Variants in MACF1 observed in about 807,000 individuals in gnomAD.
The protein encoded by MACF1 is microtubule actin crosslinking factor 1, also known as microtubule-actin cross-linking factor 1.
In MACF1, 193 loss-of-function variants were observed where a neutral mutation model predicts 854.8. That is an observed-to-expected ratio of 0.23 (90% CI 0.20 to 0.25). The LOEUF (loss-of-function observed/expected upper bound fraction) is 0.25. Ranked by LOEUF, MACF1 falls within the 10% of genes least tolerant of loss-of-function variation. The pLI, the probability that MACF1 is intolerant of heterozygous loss-of-function variation, is 1.00. For missense variants in MACF1, 7,722 were observed against 8,929.1 expected (o/e 0.86, Z 5.45); for synonymous variants, 3,185 against 3,226.7 (o/e 0.99, Z 0.44).
At chr1:39,319,826 T>C in intron 31 of MACF1, 79 bp downstream of exon 31, 2 of 1,020,586 alleles carry the variant, frequency 2.0e-6, no homozygotes, top group East Asian at 5.0e-5. Context: ...AGGTTCTGTT[T>C]CTAGACAAAT....
chr1:39,091,341 A>G (rs1195304423), intron 2 of MACF1, among the ~76,000 whole-genome samples: 3 of 152,146 alleles, frequency 2.0e-5, no homozygotes, highest in Non-Finnish European at 4.4e-5. Context: ...TCACTTGCTA[A>G]TTGGGTGACC....
chr1:39,111,726 A>T (rs1056656333), intron 2 of MACF1, among the ~76,000 whole-genome samples: 1 of 152,116 alleles, frequency 6.6e-6, no homozygotes, highest in Non-Finnish European at 1.5e-5. Context: ...AATGTTTTCT[A>T]GGCTAGTCTC....
chr1:39,380,001 CT>C (rs1378719979), intron 54 of MACF1, among the ~76,000 whole-genome samples: 2 of 152,102 alleles, frequency 1.3e-5, no homozygotes, highest in Non-Finnish European at 2.9e-5. Context: ...TTAATAATTC[CT>C]TCTTATTGAG....
chr1:39,452,390 G>A, intron 86 of MACF1, 40 bp downstream of exon 86: 2 of 1,561,418 alleles, frequency 1.3e-6, no homozygotes, highest in South Asian at 2.4e-5. Flanking sequence ...GGATAGATCT[G>A]AGTGGGTTTA....
intron 2 of MACF1, among the ~76,000 whole-genome samples, chr1:39,159,438 A>G (rs1479523676): frequency 2.6e-5 from 4 of 152,178 alleles, no homozygotes; most frequent in African/African-American, 9.7e-5. Flanking sequence ...TCAGAGTCCC[A>G]TTTGGAGAGA....
rs985954739 is a variant in MACF1, at chr1:39,287,486, T to C, written c.1709T>C (p.Val570Ala). The change falls in exon 15 of 101, where the codon GTG becomes GCG. Residue 570 changes from valine (V) to alanine (A), a missense_variant. By Grantham distance (64) the Val-to-Ala change is moderately conservative. Transcript: ENST00000564288. ...FRKPMTRAEL[V>A]AISSSEDEGN... ...AAGCCTATGACTCGGGCTGAACTTG[T>C]GGCCATCAGCTCCTCTGAAGATGAA... The C allele has an allele frequency of 6.2e-7, 1 of 1,614,216 alleles. No homozygotes were observed. Among genetic ancestry groups the C allele is most frequent in the Non-Finnish European group, 8.5e-7 (1 of 1,180,032 alleles).
rs1340718093 is a variant in MACF1 at position 39,333,020 on chromosome 1, G to A, written c.6432G>A (p.Leu2144=). ...IPPAEAEGVP[L]VVDKDVFSVE... ...CTGCTGAGGCGGAAGGTGTGCCGTT[G>A]GTGGTTGACAAAGATGTTTTTTCTG... The change falls in exon 37 of 101, where the codon TTG becomes TTA. Residue 2144 remains leucine (L), a synonymous_variant. Coordinates refer to ENST00000564288, the MANE Select transcript of MACF1 (RefSeq NM_001394062.1). 6 of 1,614,052 alleles carry A rather than the reference G, an allele frequency of 3.7e-6. No individual in the cohort carries two copies. Among genetic ancestry groups the A allele is most frequent in the Non-Finnish European group, 5.1e-6 (6 of 1,180,018 alleles).
chr1:39,315,558 G>C lies in MACF1; in HGVS notation c.3316G>C (p.Val1106Leu). 6.2e-6 allele frequency: 10 copies of C among 1,614,156 alleles called. No individual in the cohort carries two copies. The highest frequency in any genetic ancestry group is 8.5e-6 in the Non-Finnish European group (10 of 1,180,026). The change falls in exon 27 of 101, where the codon GTT becomes CTT. Residue 1106 changes from valine (V) to leucine (L), a missense_variant. By Grantham distance (32) the Val-to-Leu change is conservative. Around this residue, in one of 15 missense-constraint regions of MACF1, gnomAD observed 1,137 missense variants for 1,263.0 expected, o/e 0.90. Coordinates refer to ENST00000564288, the MANE Select transcript of MACF1 (RefSeq NM_001394062.1). ...GCAATTGAGGTCAGACTTGGATGCA[G>C]TTTCTATGAAATGTGACAGCTTTCT... ...LQQLRSDLDA[V>L]SMKCDSFLHQ...
At chr1:39,311,262 G>T (rs988537484) in intron 26 of MACF1, among the ~76,000 whole-genome samples, 1 of 152,164 alleles carries the variant, frequency 6.6e-6, no homozygotes, top group African/African-American at 2.4e-5. Flanking sequence ...GTATATTTGG[G>T]CTATGTATTT....
intron 79 of MACF1, 125 bp downstream of exon 79, chr1:39,443,699 G>A: frequency 9.2e-7 from 1 of 1,086,318 alleles, no homozygotes; most frequent in Non-Finnish European, 1.3e-6. Context: ...CAAACATATA[G>A]TATAACCTTT....
At chr1:39,286,379 T>G (rs530739653) in intron 14 of MACF1, among the ~76,000 whole-genome samples, 1 of 152,142 alleles carries the variant, frequency 6.6e-6, no homozygotes, top group East Asian at 1.9e-4. Context: ...TTTAGAAACA[T>G]TGGTGATCCA....
At chr1:39,422,046 G>A (rs766809809) in intron 58 of MACF1, among the ~76,000 whole-genome samples, 2 of 152,020 alleles carry the variant, frequency 1.3e-5, no homozygotes, top group African/African-American at 4.8e-5. Context: ...CTGCACTCCA[G>A]CCTGGGCGAC....
At position 39,084,211 on chromosome 1, in the gene MACF1, C is replaced by T. The variant is rs1275837485; in HGVS notation, c.-8C>T. 5 of 1,611,892 alleles carry T rather than the reference C, an allele frequency of 3.1e-6. No individual in the cohort carries two copies. The highest frequency in any genetic ancestry group is 2.7e-5 in the African/African-American group (2 of 74,936). Reference sequence around the variant, plus strand: ...CCAGGCCCTCCTGCAGCAGCCCCCGCCTGGGCCATGTCTTCCTCAGATGAA... The same window carrying T: ...CCAGGCCCTCCTGCAGCAGCCCCCGTCTGGGCCATGTCTTCCTCAGATGAA... On this transcript the variant is annotated 5_prime_UTR_variant, in exon 2 of 94. Coordinates refer to the MACF1 transcript ENST00000361689. The surrounding 1 kb of genome is among the most constrained non-coding windows in gnomAD (Gnocchi z 5.2).
chr1:39,290,859 G>A (rs12048602), intron 15 of MACF1, among the ~76,000 whole-genome samples: 1 of 151,414 alleles, frequency 6.6e-6, no homozygotes, highest in Non-Finnish European at 1.5e-5. Flanking sequence ...TTTTTTAGTA[G>A]AAATGGGGTT....
chr1:39,285,412 C>G (rs1645622892), intron 13 of MACF1, 22 bp downstream of exon 13: 1 of 1,610,800 alleles, frequency 6.2e-7, no homozygotes, highest in South Asian at 1.1e-5. Context: ...ACTGTTTTGT[C>G]CAACATCTGT....
chr1:39,443,145 A>G (rs576074157), intron 78 of MACF1, among the ~76,000 whole-genome samples: 2 of 152,346 alleles, frequency 1.3e-5, no homozygotes, highest in East Asian at 3.9e-4. Flanking sequence ...GATCTTCACT[A>G]TAACAGATTC....
intron 2 of MACF1, among the ~76,000 whole-genome samples, chr1:39,235,679 G>A (rs1360026811): frequency 3.3e-5 from 5 of 152,110 alleles, no homozygotes; most frequent in East Asian, 1.9e-4. Flanking sequence ...TCCTAATAAA[G>A]TTTTCTATAA....
At chr1:39,138,331 C>T (rs1373907886) in intron 2 of MACF1, among the ~76,000 whole-genome samples, 1 of 151,674 alleles carries the variant, frequency 6.6e-6, no homozygotes, top group Non-Finnish European at 1.5e-5. Flanking sequence ...CGCCTGTAAT[C>T]CCAGCACTTT....
At position 39,084,869 on chromosome 1, in the gene MACF1, T is replaced by G. The variant is rs181096957; in HGVS notation, c.220+431T>G. ...TTCTAAATCCTACTCTTTTTTCACT[T>G]TTTGGCTATATTAGACAATGCTGCT... is the stretch of plus-strand genomic sequence containing the variant. On this transcript the variant is annotated intron_variant, in intron 2 of 93. Transcript: ENST00000361689. The surrounding 1 kb of genome is among the most constrained non-coding windows in gnomAD (Gnocchi z 5.2). 1.3e-5 allele frequency among the ~76,000 whole-genome samples: 2 copies of G among 152,340 alleles called. No homozygotes were observed. The highest frequency in any genetic ancestry group is 2.9e-5 in the Non-Finnish European group (2 of 68,036).
Sources: allele counts gnomAD v4.1 joint callset (sites outside exome capture counted in the v4.1 genomes callset), GRCh38; gene constraint gnomAD v4.1.1; regional missense constraint gnomAD v4.1.1; non-coding constraint Gnocchi (gnomAD v3.1); transcripts MANE v1.5; gene names NCBI Gene and HGNC (gene_info 2026-07-23, HGNC 2026-07-21).